DNAH14: variants seen among roughly 807,000 people sequenced by gnomAD.
DNAH14 encodes dynein axonemal heavy chain 14.
DNAH14 carries 478 observed loss-of-function variants against 520.9 expected under a neutral mutation model. That is an observed-to-expected ratio of 0.92 (90% confidence interval 0.85 to 0.99). The LOEUF (loss-of-function observed/expected upper bound fraction) is 0.99. Ranked by LOEUF, DNAH14 falls within the 50% of genes least tolerant of loss-of-function variation. DNAH14 has a pLI of 0.00. For synonymous variants in DNAH14, 1,581 were observed against 1,757.2 expected, an observed-to-expected ratio of 0.90 and a Z score of 2.51; for missense variants, 4,831 against 5,234.5, an observed-to-expected ratio of 0.92 and a Z score of 2.38.
chr1:225,306,062 A>C (rs1028226980), intron 58 of DNAH14, among the ~76,000 whole-genome samples: 1 of 152,238 alleles, frequency 6.6e-6, no homozygotes, highest in Non-Finnish European at 1.5e-5. Context: ...GGCCAGCAGG[A>C]AGTCCAGGGC....
chr1:225,343,434 C>T (rs2095232817), intron 69 of DNAH14, among the ~76,000 whole-genome samples: 2 of 152,120 alleles, frequency 1.3e-5, no homozygotes, highest in African/African-American at 4.8e-5. Context: ...TGCCTTTCCT[C>T]CTAGGATCCT....
intron 79 of DNAH14, among the ~76,000 whole-genome samples, chr1:225,378,838 A>C (rs1322754950): frequency 1.3e-5 from 2 of 151,002 alleles, no homozygotes; most frequent in Non-Finnish European, 3.0e-5. Flanking sequence ...CAAGATAGCA[A>C]CACTGCACTC....
rs566343937 is a variant in DNAH14 at position 225,156,448 on chromosome 1, G to A, written c.5273+2622G>A. On this transcript the variant is annotated intron_variant, in intron 34 of 85. Transcript: ENST00000682510. ...CTTCTGGTGGTTGCCTGCATTTCCT[G>A]GCTTACGACCACAGCACTCTAATCT... Among the ~76,000 whole-genome samples, 3 of 152,182 alleles carry A rather than the reference G, an allele frequency of 2.0e-5. No individual in the cohort carries two copies. The South Asian group carries it at 6.2e-4, about 32-fold the overall frequency.
At chr1:225,196,626 C>G (rs1218254958) in intron 38 of DNAH14, among the ~76,000 whole-genome samples, 1 of 152,166 alleles carries the variant, frequency 6.6e-6, no homozygotes, top group African/African-American at 2.4e-5. Context: ...AGTTTACATT[C>G]CCACCAGCAG....
intron 7 of DNAH14, chr1:224,969,197 A>G (rs2061363929): frequency 4.7e-6 from 1 of 212,022 alleles, no homozygotes; most frequent in Non-Finnish European, 9.2e-6. Flanking sequence ...TCTTTTCAGT[A>G]TTAAAACTCT....
rs754189531 is a variant in DNAH14 at position 225,207,150 on chromosome 1, C to T, written c.6369C>T (p.Val2123=). The T allele has an allele frequency of 4.0e-5, 62 of 1,547,778 alleles. No homozygotes were observed. Among genetic ancestry groups the T allele is most frequent in the Non-Finnish European group, 4.6e-5 (53 of 1,145,372 alleles). The change falls in exon 41 of 86, where the codon GTC becomes GTT. Residue 2123 remains valine, a synonymous_variant. Coordinates refer to ENST00000682510, the MANE Select transcript of DNAH14 (RefSeq NM_001367479.1). ...CATATCCTATGGAGGACATAACAGT[C>T]GTCATAACCCTCTGCAGAATTCTTG... The part of the protein sequence containing the change: ...FQPYPMEDIT[V]VITLCRILDA...
chr1:225,008,525 C>T (rs2147869450), intron 10 of DNAH14, among the ~76,000 whole-genome samples: 1 of 150,762 alleles, frequency 6.6e-6, no homozygotes, highest in South Asian at 2.1e-4. Flanking sequence ...TACACCCCAA[C>T]AACAGTGTAG....
At chr1:225,100,940 T>G (rs942901280) in intron 23 of DNAH14, 56 bp downstream of exon 23, 2 of 1,351,656 alleles carry the variant, frequency 1.5e-6, no homozygotes, top group Non-Finnish European at 2.0e-6. Flanking sequence ...AAAGTAAAAG[T>G]GATATAATGT....
chr1:225,246,926 C>T (rs1054002531), intron 43 of DNAH14, among the ~76,000 whole-genome samples: 4 of 152,128 alleles, frequency 2.6e-5, no homozygotes, highest in African/African-American at 4.8e-5. Context: ...AACATGCACA[C>T]GTATGTTTAT....
intron 66 of DNAH14, among the ~76,000 whole-genome samples, chr1:225,336,260 GAC>G (rs2095051909): frequency 6.6e-6 from 1 of 151,346 alleles, no homozygotes; most frequent in Admixed American, 6.6e-5. Context: ...ATTTCTAAAA[GAC>G]ACATCTAAAA....
At chr1:225,102,278 T>G (rs1344591076) in intron 23 of DNAH14, among the ~76,000 whole-genome samples, 2 of 152,108 alleles carry the variant, frequency 1.3e-5, no homozygotes, top group African/African-American at 4.8e-5. Context: ...ATTTTCTTAA[T>G]CCAGTCTATC....
chr1:225,379,302 A>C (rs1315733897), intron 79 of DNAH14, among the ~76,000 whole-genome samples: 1 of 152,200 alleles, frequency 6.6e-6, no homozygotes, highest in Non-Finnish European at 1.5e-5. Flanking sequence ...AGCTTTTATA[A>C]TACATATTTC....
chr1:225,086,293 C>T (rs943503920), intron 21 of DNAH14, among the ~76,000 whole-genome samples: 11 of 99,048 alleles, frequency 1.1e-4, no homozygotes, highest in African/African-American at 1.7e-4. Flanking sequence ...CCACGACGCC[C>T]GGCTAATTGT....
chr1:224,955,088 G>GA lies in DNAH14; in HGVS notation c.211dup (p.Thr71AsnfsTer6). ...CATTCTCTGAATCTTTGAAGTCAGA[G>GA]AAAACAGAAGGTATTTATCAAGATT... On this transcript the variant is annotated frameshift_variant, in exon 3 of 86. Transcript: ENST00000682510. LOFTEE classifies it high-confidence loss of function. 6.2e-7 allele frequency: 1 copy of GA among 1,609,168 alleles called. No homozygotes were observed. Among genetic ancestry groups the GA allele is most frequent in the Non-Finnish European group, 8.5e-7 (1 of 1,177,970 alleles).
At chr1:225,374,062 T>TCA (rs1050920864) in intron 77 of DNAH14, among the ~76,000 whole-genome samples, 1 of 138,728 alleles carries the variant, frequency 7.2e-6, no homozygotes, top group Non-Finnish European at 1.6e-5. Flanking sequence ...TTAGCCAAGA[T>TCA]CACACCACTG....
intron 75 of DNAH14, among the ~76,000 whole-genome samples, chr1:225,362,401 C>T (rs963577919): frequency 2.6e-5 from 4 of 151,976 alleles, no homozygotes; most frequent in Non-Finnish European, 5.9e-5. Flanking sequence ...ATGGTGAAAC[C>T]CCGTCTCTAC....
intron 19 of DNAH14, among the ~76,000 whole-genome samples, chr1:225,081,428 G>A (rs1417824639): frequency 6.6e-6 from 1 of 152,174 alleles, no homozygotes; most frequent in African/African-American, 2.4e-5. Flanking sequence ...GCAAATCATA[G>A]TCTCAAGGCT....
intron 41 of DNAH14, among the ~76,000 whole-genome samples, chr1:225,221,555 A>T (rs966663804): frequency 6.6e-6 from 1 of 152,248 alleles, no homozygotes; most frequent in Non-Finnish European, 1.5e-5. Flanking sequence ...AAAAAAGCTC[A>T]TCTTCACTGG....
Position 225,232,048 on chromosome 1 carries a change from A to G in DNAH14, c.6518+897A>G, listed in dbSNP as rs2091177374. Reference sequence around the variant, plus strand: ...ATCTCAGGGTATCCTATCATCTGAGATAACTACTATTCTGGATTTTGTACT... The same window carrying G: ...ATCTCAGGGTATCCTATCATCTGAGGTAACTACTATTCTGGATTTTGTACT... On this transcript the variant is annotated intron_variant, in intron 42 of 85. Transcript: ENST00000682510. The surrounding 1 kb of genome is among the most constrained non-coding windows in gnomAD (Gnocchi z 4.2). 6.6e-6 allele frequency among the ~76,000 whole-genome samples: 1 copy of G among 152,118 alleles called. No individual in the cohort carries two copies. Among genetic ancestry groups the G allele is most frequent in the South Asian group, 2.1e-4 (1 of 4,828 alleles).
Sources: gnomAD v4.1 joint callset for allele counts (sites outside exome capture counted in the v4.1 genomes callset) on GRCh38, gnomAD v4.1.1 for gene constraint, Gnocchi (gnomAD v3.1) non-coding constraint, MANE v1.5 for transcripts, NCBI Gene and HGNC (gene_info 2026-07-23, HGNC 2026-07-21) for gene names.